DACH1: variants seen among roughly 807,000 people sequenced by gnomAD.
The protein encoded by DACH1 is dachshund family transcription factor 1, also known as dachshund homolog 1.
In DACH1, 12 loss-of-function variants were observed where a neutral mutation model predicts 54.2. The observed-to-expected ratio is 0.22, with a 90% CI of 0.14 to 0.36. DACH1 has a LOEUF of 0.36. Among genes scored for constraint, DACH1 ranks in the 10% least tolerant of loss-of-function variants. The probability of loss-of-function intolerance (pLI) is 1.00; values close to 1 mark genes in which losing one functional copy is unlikely to be tolerated. For synonymous variants in DACH1, 386 were observed against 366.2 expected (o/e 1.05, Z -0.62); for missense variants, 805 against 929.8 (o/e 0.87, Z 1.75).
chr13:71,529,044 AT>A (rs1455077400), intron 6 of DACH1, among the ~76,000 whole-genome samples: 1 of 152,132 alleles, frequency 6.6e-6, no homozygotes, highest in Non-Finnish European at 1.5e-5. Context: ...AAATGTATAT[AT>A]TTACCAAAAG....
intron 1 of DACH1, among the ~76,000 whole-genome samples, chr13:71,762,601 T>C (rs1327719664): frequency 6.6e-6 from 1 of 151,618 alleles, no homozygotes; most frequent in Non-Finnish European, 1.5e-5. Context: ...ACCCCGTCTC[T>C]ATTAAAAACA....
chr13:71,795,411 C>G (rs1443307643), intron 1 of DACH1, among the ~76,000 whole-genome samples: 1 of 151,558 alleles, frequency 6.6e-6, no homozygotes, highest in Admixed American at 6.6e-5. Flanking sequence ...TTGCCTTGTA[C>G]TTAAACATCA....
At chr13:71,581,491 G>A (rs1165246467) in intron 3 of DACH1, among the ~76,000 whole-genome samples, 1 of 152,116 alleles carries the variant, frequency 6.6e-6, no homozygotes, top group African/African-American at 2.4e-5. Context: ...TCCTGACCTC[G>A]TGATCTGCCG....
At chr13:71,813,456 C>T (rs905543605) in intron 1 of DACH1, among the ~76,000 whole-genome samples, 11 of 152,196 alleles carry the variant, frequency 7.2e-5, no homozygotes, top group African/African-American at 2.7e-4. Flanking sequence ...ACTCCTCTAA[C>T]ATCTAGACTT....
chr13:71,702,736 T>A (rs1214470773), intron 1 of DACH1, among the ~76,000 whole-genome samples: 9 of 152,174 alleles, frequency 5.9e-5, no homozygotes, highest in Admixed American at 4.6e-4. Flanking sequence ...GAGTTAATTT[T>A]ATTTTAAAGG....
rs1328899363 is a variant in DACH1 at position 71,708,974 on chromosome 13, T to A, written c.849-27064A>T. ...TTCACGCCATTCTCCTGCCTCAGCC[T>A]CCCGAGTAGCTGGGACTACAGGCGC... On this transcript the variant is annotated intron_variant, in intron 1 of 10. Coordinates refer to ENST00000613252, the MANE Select transcript of DACH1 (RefSeq NM_080759.6). Among the ~76,000 whole-genome samples, 3 of 148,304 alleles carry A rather than the reference T, an allele frequency of 2.0e-5. No individual in the cohort carries two copies. The East Asian group carries it at 6.3e-4, about 31-fold the overall frequency.
At chr13:71,466,845 C>A (rs79369806) in intron 10 of DACH1, among the ~76,000 whole-genome samples, 575 of 99,388 alleles carry the variant, frequency 5.8e-3, no homozygotes, top group East Asian at 7.7e-3. Context: ...CACCCTGTCT[C>A]AAAAAAAAAA....
chr13:71,614,929 T>C (rs1057255938), intron 3 of DACH1, among the ~76,000 whole-genome samples: 1 of 146,712 alleles, frequency 6.8e-6, no homozygotes. Flanking sequence ...AATCTATCAG[T>C]TTTTTTTTTA....
chr13:71,684,799 C>A (rs1310183324), intron 1 of DACH1, among the ~76,000 whole-genome samples: 2 of 152,012 alleles, frequency 1.3e-5, no homozygotes, highest in East Asian at 3.9e-4. Context: ...ATAATAATAA[C>A]CCTATTCGTA....
chr13:71,537,310 C>G (rs1229971152), intron 6 of DACH1, among the ~76,000 whole-genome samples: 1 of 152,080 alleles, frequency 6.6e-6, no homozygotes, highest in Non-Finnish European at 1.5e-5. Context: ...TGGTGCCATC[C>G]TATGTATGAA....
intron 6 of DACH1, among the ~76,000 whole-genome samples, chr13:71,534,272 A>G (rs1249114297): frequency 6.6e-6 from 1 of 152,052 alleles, no homozygotes; most frequent in African/African-American, 2.4e-5. Context: ...TATACTAAAC[A>G]TGAAATACAT....
At chr13:71,510,319 T>A (rs1880679589) in intron 6 of DACH1, among the ~76,000 whole-genome samples, 1 of 152,002 alleles carries the variant, frequency 6.6e-6, no homozygotes, top group Non-Finnish European at 1.5e-5. Flanking sequence ...CAAAATTTAT[T>A]TGCGTTAGCT....
chr13:71,485,280 A>T (rs921656061), intron 7 of DACH1, among the ~76,000 whole-genome samples: 2 of 151,634 alleles, frequency 1.3e-5, no homozygotes, highest in East Asian at 3.9e-4. Context: ...AAAAAATAAA[A>T]GCAATTCTAA....
At chr13:71,485,099 C>A (rs895122415) in intron 7 of DACH1, among the ~76,000 whole-genome samples, 4 of 151,242 alleles carry the variant, frequency 2.6e-5, no homozygotes, top group Admixed American at 6.6e-5. Flanking sequence ...CAGAATTATC[C>A]TTTGATCATG....
intron 2 of DACH1, among the ~76,000 whole-genome samples, chr13:71,662,655 C>T (rs1879584925): frequency 6.6e-6 from 1 of 151,996 alleles, no homozygotes; most frequent in South Asian, 2.1e-4. Context: ...AATCTTCAAA[C>T]AGCCACATTA....
intron 1 of DACH1, among the ~76,000 whole-genome samples, chr13:71,831,895 C>G (rs938199543): frequency 3.3e-5 from 5 of 151,878 alleles, no homozygotes; most frequent in African/African-American, 1.2e-4. Flanking sequence ...ATAAAACGAC[C>G]ATGCTCTCTT....
Position 71,866,489 on chromosome 13 carries a change from C to T in DACH1, c.281G>A (p.Gly94Asp), listed in dbSNP as rs1323626349. 4.0e-6 allele frequency: 5 copies of T among 1,242,748 alleles called. No individual in the cohort carries two copies. Among genetic ancestry groups the T allele is most frequent in the East Asian group, 6.9e-5 (2 of 29,020 alleles). The allele number at this position is 1,242,748 out of a possible 1,614,324, so 77.0% of individuals were successfully genotyped here. A position where few individuals can be genotyped will look rare whatever the true frequency, so the allele number is the denominator to read the frequency against. The change falls in exon 1 of 11, where the codon GGC becomes GAC. Residue 94 changes from glycine to aspartate, a missense_variant. This residue lies in a region of DACH1 where 305 missense variants were observed against 308.7 expected (regional missense o/e 0.99). Coordinates refer to ENST00000613252, the MANE Select transcript of DACH1 (RefSeq NM_080759.6). Reference sequence around the variant, plus strand: ...GCTGCCACCGCCGCCGCCGCCACCGCCGCCTCCGTTGCCGCTGCTGCCGCC... The same window carrying T: ...GCTGCCACCGCCGCCGCCGCCACCGTCGCCTCCGTTGCCGCTGCTGCCGCC... ...GGGGSSGNGG[G>D]GGGGGGGSNC...
At chr13:71,832,374 G>T (rs1167886829) in intron 1 of DACH1, among the ~76,000 whole-genome samples, 2 of 151,830 alleles carry the variant, frequency 1.3e-5, no homozygotes, top group Non-Finnish European at 2.9e-5. Flanking sequence ...GTTAGATATT[G>T]TCAAAAGTAA....
chr13:71,807,917 TTG>T (rs10570743), intron 1 of DACH1, among the ~76,000 whole-genome samples: 63,676 of 151,830 alleles, frequency 0.42, 16,209 homozygotes, highest in Non-Finnish European at 0.59. Context: ...ACGATTACAG[TTG>T]TCTCTTGATT....
Sources: allele counts gnomAD v4.1 joint callset (sites outside exome capture counted in the v4.1 genomes callset), GRCh38; gene constraint gnomAD v4.1.1; regional missense constraint gnomAD v4.1.1; transcripts MANE v1.5; gene names NCBI Gene and HGNC (gene_info 2026-07-23, HGNC 2026-07-21).